The following TRAP1 variants were observed in gnomAD, a reference collection of about 807,000 sequenced individuals.
The protein encoded by TRAP1 is TNF receptor associated protein 1, also known as heat shock protein 75 kDa, mitochondrial.
In TRAP1, 102 loss-of-function variants were observed where a neutral mutation model predicts 89.1. The ratio of observed to expected loss-of-function variants is 1.15; its 90% confidence interval spans 0.98 to 1.35. The LOEUF (loss-of-function observed/expected upper bound fraction) is 1.35, where lower values mean the gene tolerates loss of function less well. Ranked by LOEUF, TRAP1 falls within the 40% of genes most tolerant of loss-of-function variation. The probability of loss-of-function intolerance (pLI) is 0.00; values close to 1 mark genes in which losing one functional copy is unlikely to be tolerated. For missense variants in TRAP1, 1,256 were observed against 945.3 expected (o/e 1.33, Z -4.31); for synonymous variants, 508 against 388.0 (o/e 1.31, Z -3.64).
At chr16:3,665,565 T>A (rs944721996) in intron 12 of TRAP1, 2 of 188,272 alleles carry the variant, frequency 1.1e-5, no homozygotes, top group African/African-American at 4.7e-5. Context: ...CAGTACATGA[T>A]GAATAGTCCC....
At chr16:3,663,213 G>C (rs1381662417) in intron 14 of TRAP1, 1 of 704,162 alleles carries the variant, frequency 1.4e-6, no homozygotes. Context: ...AGCTCCAGAA[G>C]CCACCGTGGC....
At chr16:3,705,286 G>A (rs910356518) in intron 1 of TRAP1, among the ~76,000 whole-genome samples, 1 of 151,930 alleles carries the variant, frequency 6.6e-6, no homozygotes, top group Non-Finnish European at 1.5e-5. Flanking sequence ...AGCCAGGATG[G>A]TCTCGATCTC....
rs1402888702 is a variant in TRAP1, at chr16:3,674,382, T to A, written c.1001A>T (p.Asp334Val). 1.2e-6 allele frequency: 2 copies of A among 1,613,990 alleles called. No homozygotes were observed. Among genetic ancestry groups the A allele is most frequent in the Admixed American group, 1.7e-5 (1 of 60,002 alleles). Residue 334 changes from aspartate (D) to valine (V), a missense_variant, in exon 9 of 18, where the codon GAC becomes GTC. Asp to Val is a radical substitution (Grantham distance 152). Transcript: ENST00000246957. Reference protein sequence around the residue: ...KPRYTLHYKTDAPLNIRSIFY... With the variant: ...KPRYTLHYKTVAPLNIRSIFY... ...GATGCTGCGGATGTTGAGCGGTGCG[T>A]CCGTCTTATAGTGCAGGGTGTAGCG...
At chr16:3,696,328 A>C (rs531637233) in intron 1 of TRAP1, among the ~76,000 whole-genome samples, 19 of 152,244 alleles carry the variant, frequency 1.2e-4, no homozygotes, top group Admixed American at 3.3e-4. Flanking sequence ...CAGCCCAGCC[A>C]GAAGGGCTCC....
chr16:3,707,832 C>A (rs1423617366), intron 1 of TRAP1, among the ~76,000 whole-genome samples: 3 of 129,032 alleles, frequency 2.3e-5, no homozygotes, highest in African/African-American at 5.9e-5. Context: ...CCAGCCTGGG[C>A]AACAGACAGA....
chr16:3,714,818 C>G (rs2151287724), intron 1 of TRAP1, among the ~76,000 whole-genome samples: 1 of 152,234 alleles, frequency 6.6e-6, no homozygotes, highest in East Asian at 1.9e-4. Context: ...ACACCTGAAG[C>G]CAGGCACATG....
In TRAP1 at chr16:3,658,164, T is replaced by C. The variant is rs2042825786; in HGVS notation, c.2080A>G (p.Asn694Asp). 1 of 1,613,938 alleles carries C rather than the reference T, an allele frequency of 6.2e-7. No homozygotes were observed. The highest frequency in any genetic ancestry group is 1.3e-5 in the African/African-American group (1 of 75,036). The change falls in exon 18 of 18, where the codon AAT (asparagine) becomes GAT (aspartate). Residue 694 changes from asparagine to aspartate, a missense_variant. Physicochemically the swap from Asn to Asp is conservative, Grantham distance 23 (BLOSUM62 1). Transcript: ENST00000246957. ...DDPRAMVGRL[N>D]ELLVKALERH ...TCCAGGGCCTTGACAAGCAGCTCATTCAAGCGGCCCACCATGGCCCTAGGG... is the reference window on the plus strand; with the variant it reads ...TCCAGGGCCTTGACAAGCAGCTCATCCAAGCGGCCCACCATGGCCCTAGGG...
intron 1 of TRAP1, among the ~76,000 whole-genome samples, chr16:3,695,979 G>A (rs976186363): frequency 6.6e-6 from 1 of 152,190 alleles, no homozygotes; most frequent in East Asian, 1.9e-4. Context: ...CAGACTGGAT[G>A]CAGAAATCAA....
intron 1 of TRAP1, among the ~76,000 whole-genome samples, chr16:3,698,598 G>A (rs112272129): frequency 4.8e-4 from 72 of 150,474 alleles, no homozygotes; most frequent in African/African-American, 1.4e-3. Context: ...CACCGCGCCC[G>A]GCTTCTACAA....
chr16:3,679,835 G>A, intron 4 of TRAP1, 45 bp from the exon 5 acceptor site: 1 of 1,597,444 alleles, frequency 6.3e-7, no homozygotes, highest in Non-Finnish European at 8.6e-7. Flanking sequence ...AGCACCTGGG[G>A]AGCCGGGTGA....
chr16:3,695,895 G>A (rs534690843), intron 1 of TRAP1, among the ~76,000 whole-genome samples: 2 of 152,268 alleles, frequency 1.3e-5, no homozygotes, highest in Non-Finnish European at 2.9e-5. Flanking sequence ...ATAAGGAAGG[G>A]GCAGGAATAA....
At chr16:3,699,793 G>T (rs1188989210) in intron 1 of TRAP1, among the ~76,000 whole-genome samples, 3 of 151,548 alleles carry the variant, frequency 2.0e-5, no homozygotes, top group African/African-American at 7.3e-5. Context: ...TTACTCTCCT[G>T]AACAGCTGGG....
Position 3,664,401 on chromosome 16 carries a change from G to GT in TRAP1, c.1441dup (p.Thr481AsnfsTer35). On this transcript the variant is annotated frameshift_variant, in exon 13 of 18. Coordinates refer to ENST00000246957, the MANE Select transcript of TRAP1 (RefSeq NM_016292.3). LOFTEE classifies it high-confidence loss of function. ...GCGGCTGGCGTATTCTGAGAGGCTGGTTAGCTGCCCGGAGGGCAGCGCCGA... is the reference window on the plus strand; with the variant it reads ...GCGGCTGGCGTATTCTGAGAGGCTGGTTTAGCTGCCCGGAGGGCAGCGCCGA... The GT allele has an allele frequency of 6.2e-7, 1 of 1,612,400 alleles. No homozygotes were observed. Among genetic ancestry groups the GT allele is most frequent in the Non-Finnish European group, 8.5e-7 (1 of 1,179,468 alleles).
rs569749840 is a variant in TRAP1 at position 3,707,255 on chromosome 16, G to A, written c.88+10166C>T. On this transcript the variant is annotated intron_variant, in intron 1 of 17. Coordinates refer to ENST00000246957, the MANE Select transcript of TRAP1 (RefSeq NM_016292.3). ...GGCTGGAGTGCAGTGGCGGGATCTC[G>A]GCTCACTGCAAGCTCCGCCTCCCGG... Among the ~76,000 whole-genome samples the A allele has an allele frequency of 1.5e-3, 217 of 145,470 alleles. 1 individual carries two copies. The highest frequency in any genetic ancestry group is 4.2e-3 in the African/African-American group (166 of 39,138).
intron 1 of TRAP1, among the ~76,000 whole-genome samples, chr16:3,693,192 A>T (rs1267500049): frequency 6.8e-6 from 1 of 146,906 alleles, no homozygotes; most frequent in African/African-American, 2.5e-5. Context: ...CAGGTGATCC[A>T]CCCACCTAGG....
rs116622318 is a variant in TRAP1, at chr16:3,659,140, C to T, written c.1941-275G>A. ...ACAAAAGGAGCTTAGTACGTGAAGACATGCCTTGGTTCCTAGATAAATAAT... is the reference window on the plus strand; with the variant it reads ...ACAAAAGGAGCTTAGTACGTGAAGATATGCCTTGGTTCCTAGATAAATAAT... On this transcript the variant is annotated intron_variant, in intron 16 of 17. Transcript: ENST00000246957. The T allele has an allele frequency of 1.5e-3, 541 of 354,148 alleles. 7 individuals are homozygous for T. Among genetic ancestry groups the T allele is most frequent in the African/African-American group, 0.011 (504 of 47,424 alleles). 21.9% of individuals were successfully genotyped at this position (354,148 alleles called of 1,614,324 possible).
At chr16:3,700,314 T>A (rs1354988047) in intron 1 of TRAP1, among the ~76,000 whole-genome samples, 1 of 151,348 alleles carries the variant, frequency 6.6e-6, no homozygotes, top group African/African-American at 2.4e-5. Flanking sequence ...ATTACAGGCA[T>A]GTGCCACCAC....
At chr16:3,670,248 G>A (rs2050893680) in intron 11 of TRAP1, among the ~76,000 whole-genome samples, 1 of 151,482 alleles carries the variant, frequency 6.6e-6, no homozygotes. Flanking sequence ...CGGGCATGGT[G>A]GCAGGCACCT....
At chr16:3,660,689 C>T (rs528799501) in intron 16 of TRAP1, 89 of 152,262 alleles carry the variant, frequency 5.8e-4, no homozygotes, top group African/African-American at 1.9e-3. Context: ...GATGCATCTC[C>T]CTCGCCTCCA....
Sources: allele counts gnomAD v4.1 joint callset (sites outside exome capture counted in the v4.1 genomes callset), GRCh38; gene constraint gnomAD v4.1.1; transcripts MANE v1.5; gene names NCBI Gene and HGNC (gene_info 2026-07-23, HGNC 2026-07-21).